DGKI: variants seen among roughly 807,000 people sequenced by gnomAD.
DGKI encodes diacylglycerol kinase iota.
Under a neutral mutation model 147.5 loss-of-function variants are expected in DGKI, and 55 were observed. The ratio of observed to expected loss-of-function variants is 0.37; its 90% CI spans 0.30 to 0.47. The LOEUF is 0.47. Ranked by LOEUF, DGKI falls within the 20% of genes least tolerant of loss-of-function variation. The pLI, the probability that DGKI is intolerant of heterozygous loss-of-function variation, is 1.00. For synonymous variants in DGKI, 469 were observed against 477.1 expected, an observed-to-expected ratio of 0.98 and a Z score of 0.22; for missense variants, 1,007 against 1,323.8, an observed-to-expected ratio of 0.76 and a Z score of 3.71.
At chr7:137,532,769 C>T (rs888667882) in intron 20 of DGKI, among the ~76,000 whole-genome samples, 1 of 152,136 alleles carries the variant, frequency 6.6e-6, no homozygotes, top group Non-Finnish European at 1.5e-5. Context: ...CTTTCATTTC[C>T]CTTCTCTAAT....
intron 19 of DGKI, among the ~76,000 whole-genome samples, chr7:137,567,018 A>G (rs1016750005): frequency 6.2e-5 from 7 of 113,250 alleles, no homozygotes; most frequent in African/African-American, 4.0e-4. Context: ...TAACCCAAGC[A>G]TTTTGAGAGG....
chr7:137,603,987 T>G (rs1820085368), intron 10 of DGKI, among the ~76,000 whole-genome samples: 1 of 152,188 alleles, frequency 6.6e-6, no homozygotes, highest in Non-Finnish European at 1.5e-5. Context: ...CAGCTTTTTT[T>G]TCTCCCAGAC....
chr7:137,574,145 A>AT (rs1270145128), intron 17 of DGKI, among the ~76,000 whole-genome samples: 1 of 152,020 alleles, frequency 6.6e-6, no homozygotes, highest in Non-Finnish European at 1.5e-5. Flanking sequence ...CAGCACCTGC[A>AT]TTTTTTTTCC....
At chr7:137,722,065 G>T (rs1321720459) in intron 1 of DGKI, 1 of 1,597,304 alleles carries the variant, frequency 6.3e-7, no homozygotes, top group Non-Finnish European at 8.5e-7. Flanking sequence ...TGGTGGCAAG[G>T]TGAAAAAGGG....
intron 30 of DGKI, among the ~76,000 whole-genome samples, chr7:137,398,253 G>T (rs554395260): frequency 6.6e-6 from 1 of 152,264 alleles, no homozygotes; most frequent in African/African-American, 2.4e-5. Context: ...ACCACCCCAG[G>T]CAAGGGGGGA....
intron 21 of DGKI, among the ~76,000 whole-genome samples, chr7:137,511,189 A>C (rs1436550215): frequency 1.3e-5 from 2 of 152,362 alleles, no homozygotes; most frequent in East Asian, 1.9e-4. Context: ...TTATTAGCAA[A>C]GGCTACATTT....
chr7:137,479,049 C>A (rs1815278210), intron 23 of DGKI, among the ~76,000 whole-genome samples: 1 of 152,090 alleles, frequency 6.6e-6, no homozygotes, highest in Admixed American at 6.5e-5. Flanking sequence ...TAATTTAGGG[C>A]CTCTAGTCTC....
At chr7:137,421,549 C>T (rs908872813) in intron 28 of DGKI, among the ~76,000 whole-genome samples, 1 of 152,204 alleles carries the variant, frequency 6.6e-6, no homozygotes, top group African/African-American at 2.4e-5. Flanking sequence ...GCCAGAGGAT[C>T]AGGATGCACT....
intron 1 of DGKI, among the ~76,000 whole-genome samples, chr7:137,818,918 AAAT>A (rs560397936): frequency 2.0e-5 from 3 of 152,218 alleles, no homozygotes; most frequent in African/African-American, 2.4e-5. Context: ...TTAAACTTTA[AAAT>A]AATGTTTTTC....
At chr7:137,528,040 A>T (rs1031658511) in intron 20 of DGKI, among the ~76,000 whole-genome samples, 2 of 152,170 alleles carry the variant, frequency 1.3e-5, no homozygotes, top group African/African-American at 4.8e-5. Context: ...GCTTACAATA[A>T]ATGTTTTTGA....
chr7:137,754,467 C>CACCA, intron 1 of DGKI, among the ~76,000 whole-genome samples: 1 of 152,298 alleles, frequency 6.6e-6, no homozygotes, highest in South Asian at 2.1e-4. Context: ...CAGGGTTTCC[C>CACCA]ACCAACCTGT....
intron 1 of DGKI, among the ~76,000 whole-genome samples, chr7:137,811,291 C>G (rs1797560475): frequency 6.6e-6 from 1 of 151,796 alleles, no homozygotes; most frequent in Admixed American, 6.6e-5. Context: ...CCATTAAGCT[C>G]TATTCTAACC....
intron 27 of DGKI, among the ~76,000 whole-genome samples, chr7:137,461,929 C>T (rs1049198647): frequency 6.6e-6 from 1 of 151,946 alleles, no homozygotes; most frequent in African/African-American, 2.4e-5. Flanking sequence ...TTTTAAGAAC[C>T]TGGCTATTAT....
At chr7:137,656,734 C>T (rs60180583) in intron 3 of DGKI, among the ~76,000 whole-genome samples, 194 bp from the exon 4 acceptor site, 14,185 of 152,162 alleles carry the variant, frequency 0.093, 1,890 homozygotes, top group African/African-American at 0.3. Flanking sequence ...AGTCTCTGCA[C>T]TCACCAAGTA....
At chr7:137,570,449 G>A (rs185314885) in intron 19 of DGKI, among the ~76,000 whole-genome samples, 1 of 152,240 alleles carries the variant, frequency 6.6e-6, no homozygotes, top group African/African-American at 2.4e-5. Context: ...TGATAATGGA[G>A]ATGATCATTT....
At chr7:137,810,906 A>G (rs1797545579) in intron 1 of DGKI, among the ~76,000 whole-genome samples, 1 of 152,202 alleles carries the variant, frequency 6.6e-6, no homozygotes, top group Non-Finnish European at 1.5e-5. Flanking sequence ...TATTTGATGA[A>G]GCATACCTAT....
intron 19 of DGKI, among the ~76,000 whole-genome samples, chr7:137,554,107 A>C (rs1286872789): frequency 6.6e-6 from 1 of 152,228 alleles, no homozygotes. Context: ...CCCTACCGGC[A>C]TTTCACAATC....
intron 1 of DGKI, among the ~76,000 whole-genome samples, chr7:137,691,809 T>TG (rs1563152830): frequency 0.017 from 2,427 of 141,084 alleles, 83 homozygotes; most frequent in African/African-American, 0.065. Context: ...TTTTTTTTTT[T>TG]TTTTTTTTTT....
intron 27 of DGKI, among the ~76,000 whole-genome samples, chr7:137,457,099 C>T (rs1446689539): frequency 6.6e-6 from 1 of 152,174 alleles, no homozygotes. Flanking sequence ...CATATGTCAG[C>T]TATCCTGTAT....
Sources: gnomAD v4.1 joint callset for allele counts (sites outside exome capture counted in the v4.1 genomes callset) on GRCh38, gnomAD v4.1.1 for gene constraint, MANE v1.5 for transcripts, NCBI Gene and HGNC (gene_info 2026-07-23, HGNC 2026-07-21) for gene names.